Variants in ADNP2 observed in about 807,000 individuals in gnomAD.
ADNP2 encodes the protein ADNP homeobox 2.
A neutral mutation model predicts 16.4 loss-of-function variants in ADNP2; 8 were observed. The observed-to-expected ratio is 0.49, with a 90% CI of 0.29 to 0.88. The LOEUF is 0.88. ADNP2 is among the 40% of genes least tolerant of loss of function. The probability of loss-of-function intolerance (pLI) is 0.09; values close to 1 mark genes in which losing one functional copy is unlikely to be tolerated. For synonymous variants in ADNP2, 637 were observed against 545.8 expected (o/e 1.17, Z -2.33); for missense variants, 1,397 against 1,395.1 (o/e 1.00, Z -0.02).
Position 80,138,942 on chromosome 18 carries a change from C to G in ADNP2, c.*133C>G, listed in dbSNP as rs2052563223. On this transcript the variant is annotated 3_prime_UTR_variant, in exon 4 of 4. Transcript: ENST00000262198. ...ACTGTGCTGCTCTGCAGAGTTACTT[C>G]AGGTGCTGGAGAGACCCCTGTTACC... The G allele has an allele frequency of 1.2e-6, 1 of 838,792 alleles. No individual in the cohort carries two copies. 52.0% of individuals were successfully genotyped at this position (838,792 alleles called of 1,614,324 possible). A position where few individuals can be genotyped will look rare whatever the true frequency, so the allele number is the denominator to read the frequency against.
At position 80,135,743 on chromosome 18, in the gene ADNP2, C is replaced by G. The variant is rs751878398; in HGVS notation, c.330C>G (p.Asn110Lys). 3.1e-6 allele frequency: 5 copies of G among 1,614,212 alleles called. No individual in the cohort carries two copies. The highest frequency in any genetic ancestry group is 4.2e-6 in the Non-Finnish European group (5 of 1,180,050). The stretch of plus-strand genomic sequence containing the variant: ...AAGAGCTGGTGATCCCTTGCCCAAA[C>G]TGTGTATTTGCATCTCAGCCCAAAG... ...IDQELVIPCP[N>K]CVFASQPKVV... The change falls in exon 4 of 4, where the codon AAC (asparagine) becomes AAG (lysine). Residue 110 changes from asparagine to lysine, a missense_variant. Physicochemically the swap from Asn to Lys is moderately conservative, Grantham distance 94 (BLOSUM62 0). Transcript: ENST00000262198.
rs150800654 is a variant in ADNP2, at chr18:80,115,681, C to T, written c.-13-1849C>T. ...AGTGTACAGTGAATGGCTGTGGGCT[C>T]ATTCACATTGCGTATACATCACCAC... On this transcript the variant is annotated intron_variant, in intron 1 of 3. Transcript: ENST00000262198. 2.3e-3 allele frequency among the ~76,000 whole-genome samples: 350 copies of T among 152,312 alleles called. 2 individuals are homozygous for T. The Middle Eastern group carries it at 0.024, about 10-fold the overall frequency.
chr18:80,129,112 T>G (rs958346231), intron 2 of ADNP2, among the ~76,000 whole-genome samples: 2 of 142,416 alleles, frequency 1.4e-5, no homozygotes, highest in Non-Finnish European at 3.0e-5. Flanking sequence ...TTTGTTTTTT[T>G]TTTTTTTTTG....
At chr18:80,133,235 G>A in intron 3 of ADNP2, 43 bp downstream of exon 3, 3 of 1,473,428 alleles carry the variant, frequency 2.0e-6, no homozygotes, top group South Asian at 1.1e-5. Context: ...CCTCAAAAGT[G>A]AGCAGTGACT....
rs1385433284 is a variant in ADNP2, at chr18:80,135,687, T to G, written c.274T>G (p.Leu92Val). 1 of 1,614,224 alleles carries G rather than the reference T, an allele frequency of 6.2e-7. No individual in the cohort carries two copies. The highest frequency in any genetic ancestry group is 2.2e-5 in the East Asian group (1 of 44,890). ...GGTGCTTACTTCATTCAAGAATCAT[T>G]TACATCGTTACCATGAAGATGAAAT... ...TKVLTSFKNH[L>V]HRYHEDEIDQ... The change falls in exon 4 of 4, where the codon TTA (leucine) becomes GTA (valine). Residue 92 changes from leucine (L) to valine (V), a missense_variant. By Grantham distance (32) the Leu-to-Val change is conservative (BLOSUM62 1). This residue lies in a region of ADNP2 where 777 missense variants were observed against 719.4 expected (regional missense o/e 1.08). Coordinates refer to ENST00000262198, the MANE Select transcript of ADNP2 (RefSeq NM_014913.4).
chr18:80,109,481 G>C lies in ADNP2; in HGVS notation c.-14+9G>C, dbSNP rs1035273065. 1,654 of 147,984 alleles carry C rather than the reference G, an allele frequency of 0.011. 10 individuals carry two copies. Among genetic ancestry groups the C allele is most frequent in the Non-Finnish European group, 0.017 (1,131 of 66,326 alleles). 9.2% of individuals were successfully genotyped at this position (147,984 alleles called of 1,614,324 possible). A position where few individuals can be genotyped will look rare whatever the true frequency, so the allele number is the denominator to read the frequency against. ...TCCTCGGGCGCCAAGCGGTAGGTAC[G>C]GCCCGGCCCGGCGCGGGCCCGCGCG... On this transcript the variant is annotated intron_variant, in intron 1 of 3. Transcript: ENST00000262198.
At chr18:80,120,510 A>AT (rs889917656) in intron 2 of ADNP2, among the ~76,000 whole-genome samples, 2 of 150,278 alleles carry the variant, frequency 1.3e-5, no homozygotes, top group Non-Finnish European at 3.0e-5. Context: ...TTTTTTTTGT[A>AT]TTTTTTTATT....
intron 2 of ADNP2, among the ~76,000 whole-genome samples, chr18:80,121,016 G>A (rs1420617901): frequency 1.3e-5 from 2 of 152,082 alleles, no homozygotes; most frequent in African/African-American, 4.8e-5. Context: ...GAATTTTTGG[G>A]TCATATAGTT....
chr18:80,110,608 G>A (rs1324263156), intron 1 of ADNP2, among the ~76,000 whole-genome samples: 2 of 152,170 alleles, frequency 1.3e-5, no homozygotes, highest in Non-Finnish European at 2.9e-5. Flanking sequence ...TGTAAAAAGA[G>A]TTGTGTAAAG....
intron 1 of ADNP2, chr18:80,109,874 T>C (rs550473089): frequency 2.8e-4 from 43 of 151,364 alleles, no homozygotes; most frequent in Admixed American, 4.6e-4. Flanking sequence ...GGAACGGGGA[T>C]GGAGAAGAAG....
At chr18:80,135,507 T>G in intron 3 of ADNP2, 105 bp from the exon 4 acceptor site, 2 of 1,163,792 alleles carry the variant, frequency 1.7e-6, no homozygotes, top group Non-Finnish European at 2.4e-6. Context: ...TCAGGTTAAA[T>G]GCCTAGCACA....
At chr18:80,133,270 C>T (rs2052510382) in intron 3 of ADNP2, 78 bp downstream of exon 3, 2 of 1,171,030 alleles carry the variant, frequency 1.7e-6, no homozygotes, top group Admixed American at 3.4e-5. Context: ...AAGAACATCA[C>T]ATGTATTGGG....
rs200168641 is a variant in ADNP2, at chr18:80,136,348, C to T, written c.935C>T (p.Ala312Val). 2 of 1,614,218 alleles carry T rather than the reference C, an allele frequency of 1.2e-6. No individual in the cohort carries two copies. The highest frequency in any genetic ancestry group is 4.5e-5 in the East Asian group (2 of 44,874). ...SPAAGQPVTV[A>V]QGAPGSLTHS... ...GCCGCAGGACAGCCAGTGACTGTGGCCCAGGGTGCCCCTGGAAGCCTCACT... is the reference window on the plus strand; with the variant it reads ...GCCGCAGGACAGCCAGTGACTGTGGTCCAGGGTGCCCCTGGAAGCCTCACT... The change falls in exon 4 of 4, where the codon GCC becomes GTC. Residue 312 changes from alanine to valine, a missense_variant. Coordinates refer to ENST00000262198, the MANE Select transcript of ADNP2 (RefSeq NM_014913.4).
chr18:80,113,988 A>C (rs977634447), intron 1 of ADNP2, among the ~76,000 whole-genome samples: 1 of 152,046 alleles, frequency 6.6e-6, no homozygotes, highest in Non-Finnish European at 1.5e-5. Context: ...TCAGGAGTTC[A>C]AGACCAGCCT....
At chr18:80,127,491 A>G (rs1293885232) in intron 2 of ADNP2, among the ~76,000 whole-genome samples, 1 of 151,840 alleles carries the variant, frequency 6.6e-6, no homozygotes, top group African/African-American at 2.4e-5. Context: ...TTTTTCATTC[A>G]TGGAAGTGCA....
chr18:80,119,319 G>C (rs982136435), intron 2 of ADNP2, among the ~76,000 whole-genome samples: 1 of 151,628 alleles, frequency 6.6e-6, no homozygotes, highest in Middle Eastern at 3.2e-3. Flanking sequence ...GGCTTAGGCA[G>C]GAGAATGGCA....
chr18:80,136,371 A>G lies in ADNP2; in HGVS notation c.958A>G (p.Thr320Ala). 1 of 1,614,084 alleles carries G rather than the reference A, an allele frequency of 6.2e-7. No homozygotes were observed. The highest frequency in any genetic ancestry group is 8.5e-7 in the Non-Finnish European group (1 of 1,180,016). ...TVAQGAPGSL[T>A]HSPPAAGQSH... ...GGCCCAGGGTGCCCCTGGAAGCCTC[A>G]CTCATTCCCCCCCTGCTGCTGGCCA... Residue 320 changes from threonine (T) to alanine (A), a missense_variant, in exon 4 of 4, where the codon ACT (threonine) becomes GCT (alanine). Thr to Ala is a moderately conservative substitution (Grantham distance 58). Around this residue, in one of 3 missense-constraint regions of ADNP2, gnomAD observed 777 missense variants for 719.4 expected, o/e 1.08. Coordinates refer to ENST00000262198, the MANE Select transcript of ADNP2 (RefSeq NM_014913.4).
intron 2 of ADNP2, among the ~76,000 whole-genome samples, chr18:80,124,732 C>T (rs530516435): frequency 6.6e-6 from 1 of 152,134 alleles, no homozygotes; most frequent in Non-Finnish European, 1.5e-5. Context: ...GTGATAAGCC[C>T]CCATCCTGAA....
chr18:80,120,957 T>C (rs1052636032), intron 2 of ADNP2, among the ~76,000 whole-genome samples: 1 of 152,212 alleles, frequency 6.6e-6, no homozygotes, highest in Admixed American at 6.5e-5. Context: ...CACAAGTATT[T>C]GTTTGAGTCC....
Sources: gnomAD v4.1 joint callset for allele counts (sites outside exome capture counted in the v4.1 genomes callset) on GRCh38, gnomAD v4.1.1 for gene constraint, gnomAD v4.1.1 regional missense constraint, MANE v1.5 for transcripts, NCBI Gene and HGNC (gene_info 2026-07-23, HGNC 2026-07-21) for gene names.